Variants in FBXL13 observed in about 807,000 individuals in gnomAD.
The protein encoded by FBXL13 is F-box and leucine rich repeat protein 13.
In FBXL13, 67 loss-of-function variants were observed where a neutral mutation model predicts 83.6. The ratio of observed to expected loss-of-function variants is 0.80; its 90% CI spans 0.66 to 0.98. The LOEUF is 0.98. Among genes scored for constraint, FBXL13 ranks in the 50% least tolerant of loss-of-function variants. The probability of loss-of-function intolerance (pLI) is 0.00; values close to 1 mark genes in which losing one functional copy is unlikely to be tolerated. For synonymous variants in FBXL13, 272 were observed against 299.5 expected (o/e 0.91, Z 0.95); for missense variants, 822 against 866.5 (o/e 0.95, Z 0.64).
chr7:103,028,573 A>C (rs1424982932), intron 4 of FBXL13, 27 bp downstream of exon 5: 4 of 1,467,872 alleles, frequency 2.7e-6, no homozygotes, highest in Non-Finnish European at 3.6e-6. Flanking sequence ...GGATACAAAA[A>C]GTAATTGCTA....
chr7:102,976,778 A>G (rs761510858), intron 6 of FBXL13, among the ~76,000 whole-genome samples: 2 of 152,126 alleles, frequency 1.3e-5, no homozygotes, highest in Non-Finnish European at 2.9e-5. Flanking sequence ...ACTCCGCCCA[A>G]CATACTCCCC....
At position 102,981,455 on chromosome 7, in the gene FBXL13, C is replaced by T. The variant is rs150943215; in HGVS notation, c.496-13338G>A. On this transcript the variant is annotated intron_variant, in intron 6 of 19. Coordinates refer to ENST00000313221, the Ensembl canonical transcript of FBXL13. ...CATTGCACACAGGCCAGTCTCTCAT[C>T]CCACAGACTTGTTCTCAAAGAAGAC... Among the ~76,000 whole-genome samples, 1,056 of 152,252 alleles carry T rather than the reference C, an allele frequency of 6.9e-3. 4 individuals carry two copies. Among genetic ancestry groups the T allele is most frequent in the Non-Finnish European group, 8.8e-3 (596 of 68,022 alleles).
At chr7:102,864,261 C>G (rs1807297628) in intron 16 of FBXL13, among the ~76,000 whole-genome samples, 1 of 152,202 alleles carries the variant, frequency 6.6e-6, no homozygotes. Context: ...ACACATAACC[C>G]TCCTTATGCC....
chr7:102,846,913 C>G (rs1804087657), intron 17 of FBXL13, among the ~76,000 whole-genome samples: 1 of 152,080 alleles, frequency 6.6e-6, no homozygotes, highest in African/African-American at 2.4e-5. Context: ...GCCTGCCCAG[C>G]TAACCTGTAG....
chr7:102,924,238 CAAAA>C (rs564121170), intron 10 of FBXL13, among the ~76,000 whole-genome samples: 4 of 54,374 alleles, frequency 7.4e-5, no homozygotes, highest in East Asian at 5.6e-4. Context: ...AACTCCGTCT[CAAAA>C]AAAAAAAAAA....
intron 6 of FBXL13, among the ~76,000 whole-genome samples, chr7:102,972,336 A>G (rs1826792051): frequency 6.6e-6 from 1 of 152,220 alleles, no homozygotes; most frequent in African/African-American, 2.4e-5. Flanking sequence ...CTTCAAGAAG[A>G]AAGTATAAAT....
At chr7:102,941,077 A>G (rs1821333237) in intron 8 of FBXL13, among the ~76,000 whole-genome samples, 1 of 152,252 alleles carries the variant, frequency 6.6e-6, no homozygotes, top group African/African-American at 2.4e-5. Flanking sequence ...TTTAAAAATT[A>G]GAAAAGCATA....
intron 8 of FBXL13, among the ~76,000 whole-genome samples, chr7:102,950,934 C>T (rs926346955): frequency 2.0e-5 from 3 of 152,084 alleles, no homozygotes; most frequent in African/African-American, 7.2e-5. Flanking sequence ...TGGTAAACAC[C>T]TATCATTGTA....
At chr7:102,818,153 C>T (rs79270343) in intron 19 of FBXL13, among the ~76,000 whole-genome samples, 1 of 152,210 alleles carries the variant, frequency 6.6e-6, no homozygotes, top group Non-Finnish European at 1.5e-5. Context: ...CCAAGGACTG[C>T]TCATAATCCA....
At chr7:103,063,712 C>CT (rs34739663) in intron 1 of FBXL13, among the ~76,000 whole-genome samples, 45,072 of 101,702 alleles carry the variant, frequency 0.44, 12,026 homozygotes, top group Non-Finnish European at 0.55. Context: ...CAAACTTAGG[C>CT]TTTTTTTTTT....
chr7:102,855,425 A>T (rs528034849), intron 16 of FBXL13, among the ~76,000 whole-genome samples: 72 of 152,200 alleles, frequency 4.7e-4, no homozygotes, highest in East Asian at 3.9e-3. Flanking sequence ...AAGAGATTGC[A>T]CTTTCAGCCA....
rs1403644555 is a variant in FBXL13 at position 102,822,137 on chromosome 7, CAG to C, written c.1919_1920del (p.Ser640TrpfsTer7). ...ATTTGGTCAGTAAGCAAGACACAAC[CAG>C]AGATATCCAAAATGTGCAGGTAATG... On this transcript the variant is annotated frameshift_variant, in exon 19 of 20. Coordinates refer to ENST00000313221, the Ensembl canonical transcript of FBXL13. LOFTEE classifies it high-confidence loss of function. 3.1e-6 allele frequency: 5 copies of C among 1,614,150 alleles called. No individual in the cohort carries two copies. Among genetic ancestry groups the C allele is most frequent in the Non-Finnish European group, 4.2e-6 (5 of 1,180,024 alleles).
intron 2 of FBXL13, among the ~76,000 whole-genome samples, chr7:103,034,890 GT>G (rs1263797072): frequency 1.3e-5 from 2 of 152,190 alleles, no homozygotes; most frequent in African/African-American, 4.8e-5. Context: ...CATTATGCCA[GT>G]TTTTGAAAAA....
At chr7:102,887,500 T>G in intron 11 of FBXL13, among the ~76,000 whole-genome samples, 1 of 152,112 alleles carries the variant, frequency 6.6e-6, no homozygotes, top group East Asian at 1.9e-4. Context: ...GAGAAATGTA[T>G]TTTAAGGAAT....
At chr7:102,812,221 C>A (rs1797474087), downstream of FBXL13, among the ~76,000 whole-genome samples, 1 of 152,244 alleles carries the variant, frequency 6.6e-6, no homozygotes, top group South Asian at 2.1e-4. Context: ...TAAAAACCCA[C>A]AGATGTGCTC....
chr7:102,831,691 G>T (rs1292625454), intron 18 of FBXL13, among the ~76,000 whole-genome samples: 1 of 152,124 alleles, frequency 6.6e-6, no homozygotes, highest in African/African-American at 2.4e-5. Context: ...GTGTAAATCA[G>T]ATTTTTTTTT....
chr7:102,997,329 A>C (rs1789913890), intron 6 of FBXL13, among the ~76,000 whole-genome samples: 1 of 152,216 alleles, frequency 6.6e-6, no homozygotes, highest in Non-Finnish European at 1.5e-5. Flanking sequence ...TTGAGGGTAC[A>C]CGTGATATTT....
Position 103,040,144 on chromosome 7 carries a change from G to C in FBXL13, c.1-10726C>G, listed in dbSNP as rs1795509321. On this transcript the variant is annotated intron_variant, in intron 2 of 19. Transcript: ENST00000313221. ...ATGGAGGAATACTTACCAAGCAAAT[G>C]GAAAGCAAAAAAAAGCAGGGGTTGC... 1.3e-5 allele frequency among the ~76,000 whole-genome samples: 2 copies of C among 151,540 alleles called. 1 individual carries two copies. The highest frequency in any genetic ancestry group is 4.1e-4 in the South Asian group (2 of 4,820).
intron 9 of FBXL13, among the ~76,000 whole-genome samples, chr7:102,930,664 A>C (rs1173690028): frequency 1.3e-5 from 2 of 152,176 alleles, no homozygotes. Flanking sequence ...CTTCATTGTC[A>C]ACCTACTTCT....
Sources: allele counts gnomAD v4.1 joint callset (sites outside exome capture counted in the v4.1 genomes callset), GRCh38; gene constraint gnomAD v4.1.1; transcripts MANE v1.5; gene names NCBI Gene and HGNC (gene_info 2026-07-23, HGNC 2026-07-21).